The following EIF4G3 variants were observed in gnomAD, a reference collection of about 807,000 sequenced individuals.
EIF4G3 encodes the protein eIF-4-gamma 3.
In EIF4G3, 34 loss-of-function variants were observed where a neutral mutation model predicts 186.4. The observed-to-expected ratio is 0.18, with a 90% confidence interval of 0.14 to 0.24. The LOEUF is 0.24. Ranked by LOEUF, EIF4G3 falls within the 10% of genes least tolerant of loss-of-function variation. The pLI is 1.00. For missense variants in EIF4G3, 1,536 were observed against 1,948.5 expected (o/e 0.79, Z 3.99); for synonymous variants, 673 against 679.5 (o/e 0.99, Z 0.15).
At chr1:21,161,834 G>C (rs2097772403) in intron 2 of EIF4G3, among the ~76,000 whole-genome samples, 1 of 151,480 alleles carries the variant, frequency 6.6e-6, no homozygotes, top group South Asian at 2.1e-4. Context: ...CAAGCATGGT[G>C]GCGAGTGCCT....
rs1314100705 is a variant in EIF4G3, at chr1:20,997,652, A to T, written c.145-19T>A. ...CTGCAAACTGAGAAAAGGAGGGAAAACAAACACAAAAGGAAAGGCACAAAG... is the reference window on the plus strand; with the variant it reads ...CTGCAAACTGAGAAAAGGAGGGAAATCAAACACAAAAGGAAAGGCACAAAG... On this transcript the variant is annotated intron_variant, in intron 6 of 36. Transcript: ENST00000602326. 2 of 1,537,676 alleles carry T rather than the reference A, an allele frequency of 1.3e-6. No homozygotes were observed. Among genetic ancestry groups the T allele is most frequent in the East Asian group, 4.9e-5 (2 of 40,404 alleles).
At chr1:20,845,664 GA>G (rs1018588249) in intron 29 of EIF4G3, among the ~76,000 whole-genome samples, 1 of 150,376 alleles carries the variant, frequency 6.6e-6, no homozygotes, top group African/African-American at 2.4e-5. Context: ...TCCATCTCAA[GA>G]AAAAAAATAA....
chr1:21,101,569 A>AAAAAAAAAAAAAC (rs1457388880), intron 2 of EIF4G3, among the ~76,000 whole-genome samples: 22 of 142,990 alleles, frequency 1.5e-4, no homozygotes, highest in African/African-American at 5.1e-4. Context: ...CAGGAAAAAA[A>AAAAAAAAAAAAAC]AAAAAACAAC....
intron 2 of EIF4G3, among the ~76,000 whole-genome samples, chr1:21,117,750 A>AAAAAAAAAAAG (rs2096852729): frequency 6.7e-6 from 1 of 149,590 alleles, no homozygotes; most frequent in African/African-American, 2.4e-5. Flanking sequence ...AAAAAAAAAA[A>AAAAAAAAAAAG]AAAAAAAAAA....
chr1:21,100,661 C>A (rs2096494963), intron 2 of EIF4G3, among the ~76,000 whole-genome samples: 1 of 152,068 alleles, frequency 6.6e-6, no homozygotes, highest in Non-Finnish European at 1.5e-5. Context: ...CCATGAAGTT[C>A]AAGGCTGAAA....
intron 3 of EIF4G3, among the ~76,000 whole-genome samples, chr1:21,060,692 A>G (rs1164484396): frequency 1.3e-5 from 2 of 151,670 alleles, no homozygotes; most frequent in Non-Finnish European, 2.9e-5. Context: ...CAAGAGGCCC[A>G]ACAGTTCGGC....
chr1:21,040,903 G>A (rs1169818479), intron 4 of EIF4G3, among the ~76,000 whole-genome samples: 1 of 151,950 alleles, frequency 6.6e-6, no homozygotes, highest in Non-Finnish European at 1.5e-5. Flanking sequence ...TTCAAACAAG[G>A]CAAACGTCAC....
At chr1:21,060,142 G>T (rs1479537363) in intron 3 of EIF4G3, among the ~76,000 whole-genome samples, 1 of 136,298 alleles carries the variant, frequency 7.3e-6, no homozygotes, top group African/African-American at 2.7e-5. Flanking sequence ...GTAGAGACAA[G>T]ATTTCACCAT....
At chr1:21,011,449 T>C (rs1340472908) in intron 4 of EIF4G3, among the ~76,000 whole-genome samples, 1 of 152,156 alleles carries the variant, frequency 6.6e-6, no homozygotes, top group Admixed American at 6.5e-5. Flanking sequence ...TACAGTACAG[T>C]ACAACAGCCA....
At chr1:21,143,043 G>T (rs2097367411) in intron 2 of EIF4G3, among the ~76,000 whole-genome samples, 1 of 152,082 alleles carries the variant, frequency 6.6e-6, no homozygotes, top group Non-Finnish European at 1.5e-5. Context: ...GAGGTTAGGA[G>T]TTCAAGACCA....
chr1:20,834,815 T>C (rs1174853150), intron 30 of EIF4G3, among the ~76,000 whole-genome samples: 2 of 152,166 alleles, frequency 1.3e-5, no homozygotes, highest in African/African-American at 4.8e-5. Flanking sequence ...CTTTAGACAA[T>C]GAACAACTCA....
chr1:21,166,127 T>TTTTTTTTTG (rs1387588547), intron 2 of EIF4G3, among the ~76,000 whole-genome samples: 1 of 149,052 alleles, frequency 6.7e-6, no homozygotes, highest in African/African-American at 2.5e-5. Flanking sequence ...TTTTTCCTTT[T>TTTTTTTTTG]AAAAATTCAT....
chr1:20,876,714 G>A (rs1414412326), intron 20 of EIF4G3, among the ~76,000 whole-genome samples: 2 of 152,132 alleles, frequency 1.3e-5, no homozygotes, highest in East Asian at 1.9e-4. Context: ...AATAATCCAG[G>A]AGGCCAGGAG....
intron 23 of EIF4G3, among the ~76,000 whole-genome samples, chr1:20,861,241 G>A (rs1045372644): frequency 3.9e-5 from 6 of 152,154 alleles, no homozygotes; most frequent in African/African-American, 1.4e-4. Context: ...GTAGGGCTTT[G>A]TTCACTTTCT....
intron 3 of EIF4G3, among the ~76,000 whole-genome samples, chr1:21,064,113 C>T (rs962379870): frequency 1.3e-5 from 2 of 152,096 alleles, no homozygotes; most frequent in Admixed American, 6.5e-5. Flanking sequence ...TGGAACTTGG[C>T]AGTGAGGTAT....
intron 27 of EIF4G3, among the ~76,000 whole-genome samples, chr1:20,853,054 TG>T (rs951893763): frequency 6.6e-6 from 1 of 152,216 alleles, no homozygotes; most frequent in Non-Finnish European, 1.5e-5. Context: ...TGTTATTTTT[TG>T]TGACTGCACT....
At chr1:20,857,603 T>C (rs1261149981) in intron 24 of EIF4G3, 106 bp from the exon 25 acceptor site, 7 of 942,294 alleles carry the variant, frequency 7.4e-6, no homozygotes, top group Admixed American at 1.8e-5. Context: ...CAACAGAAGA[T>C]GTTAAAGCAT....
chr1:21,133,960 T>C (rs1456429741), intron 2 of EIF4G3, among the ~76,000 whole-genome samples: 8 of 152,202 alleles, frequency 5.3e-5, no homozygotes, highest in African/African-American at 1.9e-4. Flanking sequence ...CTGTACTTAC[T>C]GCGGAGATTT....
intron 2 of EIF4G3, among the ~76,000 whole-genome samples, chr1:21,132,198 G>C (rs1295581688): frequency 6.6e-6 from 1 of 152,002 alleles, no homozygotes; most frequent in African/African-American, 2.4e-5. Flanking sequence ...TTTAAAAACT[G>C]AGAGATTCAA....
Sources: gnomAD v4.1 joint callset for allele counts (sites outside exome capture counted in the v4.1 genomes callset) on GRCh38, gnomAD v4.1.1 for gene constraint, MANE v1.5 for transcripts, NCBI Gene and HGNC (gene_info 2026-07-23, HGNC 2026-07-21) for gene names.